TAF4B: variants seen among roughly 807,000 people sequenced by gnomAD.
TAF4B encodes TATA-box binding protein associated factor 4b.
In TAF4B, 38 loss-of-function variants were observed where a neutral mutation model predicts 86.4. That is an observed-to-expected ratio of 0.44 (90% CI 0.34 to 0.58). The LOEUF is 0.58. Ranked by LOEUF, TAF4B falls within the 20% of genes least tolerant of loss-of-function variation. The pLI, the probability that TAF4B is intolerant of heterozygous loss-of-function variation, is 0.02. For missense variants in TAF4B, 988 were observed against 1,027.6 expected, an observed-to-expected ratio of 0.96 and a Z score of 0.53; for synonymous variants, 388 against 391.2, an observed-to-expected ratio of 0.99 and a Z score of 0.10.
intron 1 of TAF4B, among the ~76,000 whole-genome samples, chr18:26,262,741 A>G (rs1164153196): frequency 1.3e-5 from 2 of 152,154 alleles, no homozygotes; most frequent in African/African-American, 2.4e-5. Context: ...TTGGCCTCCC[A>G]AAGTGCTGGG....
chr18:26,385,353 A>G (rs904925269), intron 14 of TAF4B, among the ~76,000 whole-genome samples: 1 of 152,206 alleles, frequency 6.6e-6, no homozygotes, highest in African/African-American at 2.4e-5. Context: ...CAGAAGTTTC[A>G]TTATAAAAAC....
intron 13 of TAF4B, among the ~76,000 whole-genome samples, chr18:26,342,452 A>C (rs1424559706): frequency 6.6e-6 from 1 of 152,166 alleles, no homozygotes. Flanking sequence ...GATTCTGCTT[A>C]ATCTTTTGGT....
chr18:26,385,454 G>A (rs1459842601), intron 14 of TAF4B, among the ~76,000 whole-genome samples: 1 of 152,078 alleles, frequency 6.6e-6, no homozygotes, highest in East Asian at 1.9e-4. Context: ...AATTATGAAG[G>A]CTAACATAAT....
At chr18:26,335,579 C>G (rs2057084177) in intron 13 of TAF4B, among the ~76,000 whole-genome samples, 1 of 152,074 alleles carries the variant, frequency 6.6e-6, no homozygotes, top group South Asian at 2.1e-4. Context: ...GGTAATTGTT[C>G]GTTTTGTAAA....
intron 1 of TAF4B, among the ~76,000 whole-genome samples, chr18:26,241,031 T>C (rs2055830447): frequency 6.6e-6 from 1 of 152,194 alleles, no homozygotes. Context: ...TCAGGGGTAT[T>C]GGTCTAAAAT....
rs891401116 is a variant in TAF4B at position 26,320,949 on chromosome 18, A to C, written c.2003-121A>C. ...TTGTGACTTTACTAGGAAAATCATA[A>C]TCTCCAAACCTTTATTCATAATGGG... is the stretch of plus-strand genomic sequence containing the variant. On this transcript the variant is annotated intron_variant, in intron 10 of 14. Transcript: ENST00000269142. 6 of 1,220,308 alleles carry C rather than the reference A, an allele frequency of 4.9e-6. No homozygotes were observed. The Admixed American group carries it at 7.1e-5, about 14-fold the overall frequency. The allele number at this position is 1,220,308 out of a possible 1,614,324, so 75.6% of individuals were successfully genotyped here. A position where few individuals can be genotyped will look rare whatever the true frequency, so the allele number is the denominator to read the frequency against.
At chr18:26,233,343 C>T (rs1025591427) in intron 1 of TAF4B, among the ~76,000 whole-genome samples, 12 of 152,066 alleles carry the variant, frequency 7.9e-5, no homozygotes, top group African/African-American at 2.4e-4. Context: ...CATTCACTAG[C>T]GGTGGGGGCG....
intron 14 of TAF4B, among the ~76,000 whole-genome samples, chr18:26,377,923 C>T (rs775636509): frequency 8.6e-5 from 13 of 152,000 alleles, no homozygotes; most frequent in Non-Finnish European, 1.6e-4. Context: ...GTACATTTGT[C>T]CTTGGAAGTT....
At chr18:26,240,700 A>C (rs1439067294) in intron 1 of TAF4B, among the ~76,000 whole-genome samples, 1 of 152,208 alleles carries the variant, frequency 6.6e-6, no homozygotes, top group East Asian at 1.9e-4. Context: ...TTGTACATTC[A>C]GTATGATATT....
Position 26,315,213 on chromosome 18 carries a change from T to C in TAF4B, c.1833-16T>C. On this transcript the variant is annotated splice_polypyrimidine_tract_variant and intron_variant, in intron 9 of 14. Transcript: ENST00000269142. ...CACACAACCTAAAATGTATAACTTT[T>C]TTTTTTTTCTATTAGAGATGAGGAT... 2 of 1,525,504 alleles carry C rather than the reference T, an allele frequency of 1.3e-6. No individual in the cohort carries two copies. The highest frequency in any genetic ancestry group is 1.8e-6 in the Non-Finnish European group (2 of 1,137,514). 94.5% of individuals were successfully genotyped at this position (1,525,504 alleles called of 1,614,324 possible). A position where few individuals can be genotyped will look rare whatever the true frequency, so the allele number is the denominator to read the frequency against.
rs529888336 is a variant in TAF4B, at chr18:26,385,259, G to A, written c.2422-4586G>A. ...ATTACTAGTTATTTTTGGTTATTTA[G>A]TATCATTATTAAAATGGTGTTATTT... On this transcript the variant is annotated intron_variant, in intron 14 of 14. Coordinates refer to ENST00000269142, the MANE Select transcript of TAF4B (RefSeq NM_005640.3). Among the ~76,000 whole-genome samples the A allele has an allele frequency of 2.0e-5, 3 of 152,250 alleles. No homozygotes were observed. The East Asian group carries it at 5.8e-4, about 29-fold the overall frequency.
chr18:26,371,165 A>G (rs999335333), intron 14 of TAF4B, among the ~76,000 whole-genome samples: 1 of 152,226 alleles, frequency 6.6e-6, no homozygotes, highest in African/African-American at 2.4e-5. Flanking sequence ...ATAAGAAGCT[A>G]CTTCATTTAA....
intron 1 of TAF4B, among the ~76,000 whole-genome samples, chr18:26,257,932 A>T (rs1288838548): frequency 6.6e-6 from 1 of 151,512 alleles, no homozygotes; most frequent in East Asian, 1.9e-4. Flanking sequence ...CAAACCCAAC[A>T]ATTATTATGT....
chr18:26,339,607 G>A (rs1225520252), intron 13 of TAF4B, among the ~76,000 whole-genome samples: 1 of 149,640 alleles, frequency 6.7e-6, no homozygotes, highest in African/African-American at 2.6e-5. Context: ...GATTACAGGA[G>A]TGAGACACTG....
chr18:26,265,323 AC>A lies in TAF4B; in HGVS notation c.489+10del. 6.3e-7 allele frequency: 1 copy of A among 1,582,318 alleles called. No homozygotes were observed. The highest frequency in any genetic ancestry group is 8.6e-7 in the Non-Finnish European group (1 of 1,168,700). ...AAAATCTGTACAGTGCCGGTAATAT[AC>A]CTTAAATATTTTTCATCTTTCTTTG... On this transcript the variant is annotated intron_variant, in intron 2 of 14. Transcript: ENST00000269142.
chr18:26,381,612 A>T (rs1240484388), intron 14 of TAF4B, among the ~76,000 whole-genome samples: 1 of 151,904 alleles, frequency 6.6e-6, no homozygotes, highest in African/African-American at 2.4e-5. Context: ...TTGTAATCCC[A>T]GCTACTCGAG....
rs770833708 is a variant in TAF4B at position 26,321,077 on chromosome 18, G to A, written c.2010G>A (p.Lys670=). 3.7e-6 allele frequency: 6 copies of A among 1,613,632 alleles called. No homozygotes were observed. In the Middle Eastern group the frequency reaches 6.6e-4, roughly 178 times the overall value. Residue 670 remains lysine, a synonymous_variant, in exon 11 of 15, where the codon AAG becomes AAA. Transcript: ENST00000269142. ...TTTTCTCTGCTTCTGCAGGTAAAAAGCATGACATTACAGAACTTAACTCTG... is the reference window on the plus strand; with the variant it reads ...TTTTCTCTGCTTCTGCAGGTAAAAAACATGACATTACAGAACTTAACTCTG... ...LQKRILDIGK[K]HDITELNSDA...
rs1224909986 is a variant in TAF4B at position 26,275,043 on chromosome 18, A to C, written c.872A>C (p.Glu291Ala). ...GGGCAAAATGTGAAGAAGCTGGTGG[A>C]ACAACTTTTGGTAAGTAGTGCTATA... ...EMGQNVKKLV[E>A]QLLDAKIEAE... The change falls in exon 5 of 15, where the codon GAA becomes GCA. Residue 291 changes from glutamate (E) to alanine (A), a missense_variant. Coordinates refer to ENST00000269142, the MANE Select transcript of TAF4B (RefSeq NM_005640.3). 4 of 1,609,892 alleles carry C rather than the reference A, an allele frequency of 2.5e-6. No individual in the cohort carries two copies. Among genetic ancestry groups the C allele is most frequent in the Non-Finnish European group, 3.4e-6 (4 of 1,179,390 alleles).
intron 5 of TAF4B, among the ~76,000 whole-genome samples, chr18:26,276,598 G>A (rs1311890706): frequency 3.3e-5 from 5 of 152,174 alleles, no homozygotes; most frequent in African/African-American, 9.7e-5. Flanking sequence ...CCTGTAAGAT[G>A]TTAGAGCACA....
Sources: gnomAD v4.1 joint callset for allele counts (sites outside exome capture counted in the v4.1 genomes callset) on GRCh38, gnomAD v4.1.1 for gene constraint, MANE v1.5 for transcripts, NCBI Gene and HGNC (gene_info 2026-07-23, HGNC 2026-07-21) for gene names.